MGAT5: variants seen among roughly 807,000 people sequenced by gnomAD.
The protein encoded by MGAT5 is alpha-1,6-mannosylglycoprotein 6-beta-N-acetylglucosaminyltransferase.
Under a neutral mutation model 94.3 loss-of-function variants are expected in MGAT5, and 30 were observed. The observed-to-expected ratio is 0.32, with a 90% CI of 0.24 to 0.43. The LOEUF (loss-of-function observed/expected upper bound fraction) is 0.43, where lower values mean the gene tolerates loss of function less well. Ranked by LOEUF, MGAT5 falls within the 20% of genes least tolerant of loss-of-function variation. The pLI is 1.00. For missense variants in MGAT5, 691 were observed against 905.5 expected (o/e 0.76, Z 3.04); for synonymous variants, 310 against 322.9 (o/e 0.96, Z 0.43).
chr2:134,122,200 G>A (rs1277655097), intron 1 of MGAT5, among the ~76,000 whole-genome samples: 1 of 151,920 alleles, frequency 6.6e-6, no homozygotes, highest in East Asian at 1.9e-4. Flanking sequence ...AGCTTTCCGG[G>A]TTCAAGAGAT....
At chr2:134,171,609 G>A (rs1004095808) in intron 1 of MGAT5, among the ~76,000 whole-genome samples, 2 of 152,088 alleles carry the variant, frequency 1.3e-5, no homozygotes, top group African/African-American at 4.8e-5. Flanking sequence ...TTTGGGAGAC[G>A]ATCTTAAAGG....
At position 134,224,685 on chromosome 2, in the gene MGAT5, G is replaced by A. The variant is rs191133635; in HGVS notation, c.-142-29577G>A. ...CATCCAAAAAAAGCTATGGTAGAGA[G>A]TTTTCTGCCTGTACCAATTCTTACC... On this transcript the variant is annotated intron_variant, in intron 1 of 16. Transcript: ENST00000409645. Among the ~76,000 whole-genome samples, 423 of 152,258 alleles carry A rather than the reference G, an allele frequency of 2.8e-3. 3 individuals carry two copies. The highest frequency in any genetic ancestry group is 9.8e-3 in the African/African-American group (408 of 41,558).
Position 134,367,398 on chromosome 2 carries a change from G to A in MGAT5, c.1380+4990G>A, listed in dbSNP as rs111440724. Among the ~76,000 whole-genome samples the A allele has an allele frequency of 3.0e-3, 464 of 152,308 alleles. 3 individuals are homozygous for A. Among genetic ancestry groups the A allele is most frequent in the Middle Eastern group, 0.014 (4 of 294 alleles). ...AAGTGGTTGGCGAACTCTAGACTGT[G>A]GACCAAATCTAGCCCAACATCTGTT... On this transcript the variant is annotated intron_variant, in intron 10 of 15. Transcript: ENST00000281923.
At chr2:134,216,499 T>A (rs1461845477) in intron 1 of MGAT5, among the ~76,000 whole-genome samples, 1 of 152,232 alleles carries the variant, frequency 6.6e-6, no homozygotes, top group Non-Finnish European at 1.5e-5. Flanking sequence ...CAGGTTTTTC[T>A]GTTTGTTGAG....
intron 1 of MGAT5, among the ~76,000 whole-genome samples, chr2:134,255,468 C>CAT (rs1682884204): frequency 2.0e-5 from 3 of 147,554 alleles, no homozygotes; most frequent in Non-Finnish European, 4.5e-5. Context: ...TATATATATA[C>CAT]ATATATATAC....
intron 6 of MGAT5, among the ~76,000 whole-genome samples, chr2:134,338,851 C>G (rs993696084): frequency 1.3e-5 from 2 of 151,364 alleles, no homozygotes; most frequent in African/African-American, 4.9e-5. Flanking sequence ...TGCTTATGCC[C>G]GTAGGGGAGA....
intron 2 of MGAT5, among the ~76,000 whole-genome samples, chr2:134,307,189 G>C (rs1405377337): frequency 6.6e-6 from 1 of 152,118 alleles, no homozygotes; most frequent in Non-Finnish European, 1.5e-5. Flanking sequence ...AGCATTAGAA[G>C]CTGCTGTTAA....
At chr2:134,302,716 CTGTGTGTGTGTGTG>C (rs3034344) in intron 2 of MGAT5, among the ~76,000 whole-genome samples, 24,404 of 133,646 alleles carry the variant, frequency 0.18, 2,881 homozygotes, top group Non-Finnish European at 0.26. Flanking sequence ...TTAAGAAATG[CTGTGTGTGTGTGTG>C]TGTGTGTGTG....
At chr2:134,200,755 A>G (rs995622310) in intron 1 of MGAT5, among the ~76,000 whole-genome samples, 14 of 152,130 alleles carry the variant, frequency 9.2e-5, no homozygotes, top group Admixed American at 5.2e-4. Flanking sequence ...ATGGTGGCTC[A>G]AGTCTGTGAT....
rs559385349 is a variant in MGAT5 at position 134,389,300 on chromosome 2, G to A, written c.1381-13688G>A. Among the ~76,000 whole-genome samples, 6 of 152,220 alleles carry A rather than the reference G, an allele frequency of 3.9e-5. No individual in the cohort carries two copies. The South Asian group carries it at 6.2e-4, about 16-fold the overall frequency. ...CCAGTCCATTGCATTCTATGCTGAC[G>A]AGTAATGCTATATTGACTAGTAAAT... On this transcript the variant is annotated intron_variant, in intron 10 of 15. Coordinates refer to ENST00000281923, the MANE Select transcript of MGAT5 (RefSeq NM_002410.5).
At chr2:134,139,816 G>A (rs1010798423) in intron 1 of MGAT5, among the ~76,000 whole-genome samples, 4 of 152,160 alleles carry the variant, frequency 2.6e-5, no homozygotes, top group Non-Finnish European at 5.9e-5. Context: ...AGGATGACAT[G>A]CCATCCACAG....
intron 10 of MGAT5, among the ~76,000 whole-genome samples, chr2:134,383,102 T>A (rs1681734431): frequency 6.6e-6 from 1 of 152,230 alleles, no homozygotes; most frequent in Admixed American, 6.5e-5. Flanking sequence ...AGCCTGCATT[T>A]AACTTGCTCT....
Position 134,321,695 on chromosome 2 carries a change from T to C in MGAT5, c.573+2956T>C, listed in dbSNP as rs369784037. ...TCATACCACTCTCTTCTTATGCAGATATCGGGTGGTCTTTTTGTTGCTTGG... is the reference window on the plus strand; with the variant it reads ...TCATACCACTCTCTTCTTATGCAGACATCGGGTGGTCTTTTTGTTGCTTGG... On this transcript the variant is annotated intron_variant, in intron 4 of 15. Coordinates refer to ENST00000281923, the MANE Select transcript of MGAT5 (RefSeq NM_002410.5). Among the ~76,000 whole-genome samples, 304 of 152,330 alleles carry C rather than the reference T, an allele frequency of 2.0e-3. 2 individuals are homozygous for C. Among genetic ancestry groups the C allele is most frequent in the African/African-American group, 7.0e-3 (293 of 41,586 alleles).
At chr2:134,160,881 G>A (rs184260292) in intron 1 of MGAT5, among the ~76,000 whole-genome samples, 1 of 152,352 alleles carries the variant, frequency 6.6e-6, no homozygotes, top group African/African-American at 2.4e-5. Flanking sequence ...AGTGAGCATT[G>A]GGTAATGGTC....
chr2:134,369,587 A>G (rs1268900772), intron 10 of MGAT5, among the ~76,000 whole-genome samples: 3 of 152,230 alleles, frequency 2.0e-5, no homozygotes, highest in African/African-American at 7.2e-5. Flanking sequence ...TTCTGTATAT[A>G]TTATACATAT....
chr2:134,392,915 T>C (rs1333461555), intron 10 of MGAT5, among the ~76,000 whole-genome samples: 1 of 152,102 alleles, frequency 6.6e-6, no homozygotes, highest in East Asian at 1.9e-4. Flanking sequence ...GAGGGATGGG[T>C]CTGCCCCACA....
intron 13 of MGAT5, among the ~76,000 whole-genome samples, chr2:134,427,295 G>T (rs1487173541): frequency 6.6e-6 from 1 of 152,124 alleles, no homozygotes; most frequent in Non-Finnish European, 1.5e-5. Flanking sequence ...AGCAATAATA[G>T]ACTATATTGC....
At chr2:134,196,997 C>T (rs1443645881) in intron 1 of MGAT5, among the ~76,000 whole-genome samples, 4 of 152,180 alleles carry the variant, frequency 2.6e-5, no homozygotes, top group Non-Finnish European at 5.9e-5. Flanking sequence ...TTAAAAAATA[C>T]TCTTAAGGAC....
chr2:134,383,303 G>T (rs113287677), intron 10 of MGAT5, among the ~76,000 whole-genome samples: 19 of 152,324 alleles, frequency 1.2e-4, no homozygotes, highest in African/African-American at 4.1e-4. Flanking sequence ...ATCTGCTGTG[G>T]TTAGGTCAGA....
Sources: allele counts gnomAD v4.1 joint callset (sites outside exome capture counted in the v4.1 genomes callset), GRCh38; gene constraint gnomAD v4.1.1; transcripts MANE v1.5; gene names NCBI Gene and HGNC (gene_info 2026-07-23, HGNC 2026-07-21).